Variants in PFKFB3 observed in about 807,000 individuals in gnomAD.
The protein encoded by PFKFB3 is 6-phosphofructo-2-kinase/fructose-2,6-bisphosphatase 3.
PFKFB3 carries 33 observed loss-of-function variants against 68.0 expected under a neutral mutation model. That is an observed-to-expected ratio of 0.49 (90% CI 0.37 to 0.65). The LOEUF (loss-of-function observed/expected upper bound fraction) is 0.65. Ranked by LOEUF, PFKFB3 falls within the 30% of genes least tolerant of loss-of-function variation. The pLI, the probability that PFKFB3 is intolerant of heterozygous loss-of-function variation, is 0.00. For synonymous variants in PFKFB3, 315 were observed against 288.2 expected, an observed-to-expected ratio of 1.09 and a Z score of -0.94; for missense variants, 586 against 712.2, an observed-to-expected ratio of 0.82 and a Z score of 2.02.
At chr10:6,210,356 G>GTTTTTTTTGTTTTTTTTTTT (rs762723368) in intron 1 of PFKFB3, among the ~76,000 whole-genome samples, 1 of 44,486 alleles carries the variant, frequency 2.2e-5, no homozygotes, top group African/African-American at 4.6e-5. Flanking sequence ...GTTTTTTTTT[G>GTTTTTTTTGTTTTTTTTTTT]TTTTTTTGTT....
downstream of PFKFB3, among the ~76,000 whole-genome samples, chr10:6,236,274 T>G (rs1846009518): frequency 6.6e-6 from 1 of 152,202 alleles, no homozygotes; most frequent in Non-Finnish European, 1.5e-5. Context: ...TGCCAGAGGT[T>G]GAGCCGGTTA....
the PFKFB3 span, among the ~76,000 whole-genome samples, chr10:6,307,293 CAT>C: frequency 1.3e-5 from 2 of 151,278 alleles, no homozygotes; most frequent in Non-Finnish European, 2.9e-5. Flanking sequence ...CACACACACA[CAT>C]GCATGCATGC....
chr10:6,176,290 G>A (rs1842467735), intron 1 of PFKFB3, among the ~76,000 whole-genome samples: 1 of 152,218 alleles, frequency 6.6e-6, no homozygotes, highest in Non-Finnish European at 1.5e-5. Context: ...AGGTGGTGAT[G>A]GGAGGGGGCA....
the PFKFB3 span, among the ~76,000 whole-genome samples, chr10:6,319,241 C>T: frequency 6.6e-6 from 1 of 152,084 alleles, no homozygotes; most frequent in South Asian, 2.1e-4. Context: ...TTCACAATAG[C>T]AAAGATAAGA....
At position 6,159,708 on chromosome 10, in the gene PFKFB3, AAC is replaced by A. The variant is rs1328967091; in HGVS notation, c.16+14697_16+14698del. Among the ~76,000 whole-genome samples, 216 of 151,602 alleles carry A rather than the reference AAC, an allele frequency of 1.4e-3. 5 individuals carry two copies. The East Asian group carries it at 0.037, about 26-fold the overall frequency. ...ACTCCGTCTGAGGAAAAAAAAAAAA[AAC>A]AAAACACCAAAAAACCAAAAACCAA... On this transcript the variant is annotated intron_variant, in intron 1 of 14. Coordinates refer to the PFKFB3 transcript ENST00000379789.
chr10:6,185,506 G>T (rs1029881340), intron 1 of PFKFB3, among the ~76,000 whole-genome samples: 4 of 152,160 alleles, frequency 2.6e-5, no homozygotes, highest in African/African-American at 9.7e-5. Context: ...GTCTCCCATC[G>T]GCTCACCTCT....
Position 6,203,204 on chromosome 10 carries a change from C to G in PFKFB3, c.-57C>G. 1 of 1,587,206 alleles carries G rather than the reference C, an allele frequency of 6.3e-7. No individual in the cohort carries two copies. Among genetic ancestry groups the G allele is most frequent in the Non-Finnish European group, 8.6e-7 (1 of 1,168,068 alleles). On this transcript the variant is annotated 5_prime_UTR_variant, in exon 1 of 15. Coordinates refer to ENST00000379775, the MANE Select transcript of PFKFB3 (RefSeq NM_004566.4). ...TGTTCCGGGGGTCGGCGGCCGCTCT[C>G]CTGCCAGCGTCGGGATCTCGGCCCC... is the stretch of plus-strand genomic sequence containing the variant.
At chr10:6,227,736 C>T (rs1845449246) in intron 14 of PFKFB3, among the ~76,000 whole-genome samples, 1 of 152,184 alleles carries the variant, frequency 6.6e-6, no homozygotes, top group East Asian at 1.9e-4. Context: ...GGTTCCTTCC[C>T]CTCCCAGGCC....
chr10:6,213,450 T>C (rs1258295557), intron 1 of PFKFB3, among the ~76,000 whole-genome samples, 173 bp from the exon 2 acceptor site: 2 of 151,984 alleles, frequency 1.3e-5, no homozygotes, highest in African/African-American at 2.4e-5. Context: ...AGTCTAGAGG[T>C]TTGAGGCTGC....
At chr10:6,206,722 T>C (rs1440355345) in intron 1 of PFKFB3, among the ~76,000 whole-genome samples, 1 of 144,736 alleles carries the variant, frequency 6.9e-6, no homozygotes, top group Admixed American at 6.8e-5. Flanking sequence ...ACTGCCTAGA[T>C]GGGATGGCGG....
intron 1 of PFKFB3, among the ~76,000 whole-genome samples, chr10:6,182,254 T>C (rs1196536470): frequency 2.0e-5 from 3 of 151,726 alleles, no homozygotes; most frequent in African/African-American, 4.8e-5. Context: ...CTCTCTTGCA[T>C]ATGCATCCCC....
the PFKFB3 span, among the ~76,000 whole-genome samples, chr10:6,302,709 C>T: frequency 6.6e-6 from 1 of 151,176 alleles, no homozygotes; most frequent in Non-Finnish European, 1.5e-5. Context: ...TACCTATCTT[C>T]CTTTCTGGTG....
At chr10:6,179,186 A>T (rs1381709060) in intron 1 of PFKFB3, among the ~76,000 whole-genome samples, 3 of 152,234 alleles carry the variant, frequency 2.0e-5, no homozygotes, top group African/African-American at 4.8e-5. Context: ...AAAGTGGGGC[A>T]CAGAGAAATT....
In PFKFB3 at chr10:6,207,201, C is replaced by T. The variant is rs1453057388; in HGVS notation, c.76+3865C>T. Among the ~76,000 whole-genome samples the T allele has an allele frequency of 6.6e-5, 10 of 152,046 alleles. No individual in the cohort carries two copies. The East Asian group carries it at 1.4e-3, about 21-fold the overall frequency. ...CTGCAATCCCGGCACCTCGGGAGGC[C>T]GAGGCTGGCGGATCACTCGCGGTTA... On this transcript the variant is annotated intron_variant, in intron 1 of 14. Transcript: ENST00000379775.
chr10:6,301,799 A>C, the PFKFB3 span, among the ~76,000 whole-genome samples: 1 of 152,148 alleles, frequency 6.6e-6, no homozygotes, highest in Non-Finnish European at 1.5e-5. Context: ...CTAATTTCAA[A>C]TCACTTCCTT....
At chr10:6,302,158 G>T in the PFKFB3 span, among the ~76,000 whole-genome samples, 1 of 150,296 alleles carries the variant, frequency 6.7e-6, no homozygotes, top group African/African-American at 2.5e-5. Flanking sequence ...AGGTTCAAGC[G>T]ATTCTCCTGC....
intron 1 of PFKFB3, among the ~76,000 whole-genome samples, chr10:6,155,757 T>C (rs1481618703): frequency 3.3e-5 from 5 of 152,134 alleles, no homozygotes; most frequent in Non-Finnish European, 5.9e-5. Context: ...AGGTCACCCC[T>C]ACCTCCAGCT....
intron 1 of PFKFB3, among the ~76,000 whole-genome samples, chr10:6,151,925 C>T (rs1841603595): frequency 6.6e-6 from 1 of 151,668 alleles, no homozygotes; most frequent in African/African-American, 2.4e-5. Flanking sequence ...CAGAACCGCC[C>T]TCCTGCAGCT....
chr10:6,164,922 G>C (rs1034770104), intron 1 of PFKFB3, among the ~76,000 whole-genome samples: 1 of 152,090 alleles, frequency 6.6e-6, no homozygotes, highest in Non-Finnish European at 1.5e-5. Flanking sequence ...GAATGGGATT[G>C]GTCTGCTTTA....
Sources: gnomAD v4.1 joint callset for allele counts (sites outside exome capture counted in the v4.1 genomes callset) on GRCh38, gnomAD v4.1.1 for gene constraint, MANE v1.5 for transcripts, NCBI Gene and HGNC (gene_info 2026-07-23, HGNC 2026-07-21) for gene names.